RC3H2: variants seen among roughly 807,000 people sequenced by gnomAD.
RC3H2 encodes the protein ring finger and CCCH-type domains 2.
A neutral mutation model predicts 133.3 loss-of-function variants in RC3H2; 31 were observed. The ratio of observed to expected loss-of-function variants is 0.23; its 90% confidence interval spans 0.17 to 0.31. The LOEUF (loss-of-function observed/expected upper bound fraction) is 0.31, where lower values mean the gene tolerates loss of function less well. RC3H2 is among the 10% of genes least tolerant of loss of function. The pLI is 1.00. For missense variants in RC3H2, 1,175 were observed against 1,437.2 expected (o/e 0.82, Z 2.95); for synonymous variants, 517 against 502.2 (o/e 1.03, Z -0.40).
chr9:122,884,037 G>GT (rs201150094), intron 4 of RC3H2, among the ~76,000 whole-genome samples: 2,627 of 152,220 alleles, frequency 0.017, 87 homozygotes, highest in African/African-American at 0.06. Flanking sequence ...GCTCACGTCT[G>GT]TAATTCCAGC....
chr9:122,891,806 C>T (rs1194988941), intron 3 of RC3H2, among the ~76,000 whole-genome samples: 1 of 152,206 alleles, frequency 6.6e-6, no homozygotes, highest in East Asian at 1.9e-4. Flanking sequence ...TATATTCAAT[C>T]ATTCAACAAT....
intron 5 of RC3H2, among the ~76,000 whole-genome samples, chr9:122,881,827 T>C (rs1159319935): frequency 6.6e-6 from 1 of 152,192 alleles, no homozygotes; most frequent in East Asian, 1.9e-4. Flanking sequence ...ACAGAGCTGA[T>C]TGAGGATTTT....
chr9:122,893,251 T>C (rs1832263512), intron 2 of RC3H2, among the ~76,000 whole-genome samples: 1 of 152,134 alleles, frequency 6.6e-6, no homozygotes, highest in African/African-American at 2.4e-5. Flanking sequence ...CCCAGCACTT[T>C]GGGAGGCCAA....
intron 2 of RC3H2, among the ~76,000 whole-genome samples, chr9:122,895,093 A>T (rs1221628783): frequency 1.3e-5 from 2 of 152,196 alleles, no homozygotes; most frequent in African/African-American, 4.8e-5. Flanking sequence ...AACTGAGATA[A>T]CATTTACAAA....
At chr9:122,886,571 C>T (rs936270709) in intron 4 of RC3H2, among the ~76,000 whole-genome samples, 6 of 152,214 alleles carry the variant, frequency 3.9e-5, no homozygotes, top group South Asian at 2.1e-4. Flanking sequence ...TATGGCCACT[C>T]CCAGCATTTT....
chr9:122,849,956 T>C (rs1467310408), intron 20 of RC3H2, 134 bp from the exon 21 acceptor site: 1 of 500,322 alleles, frequency 2.0e-6, no homozygotes, highest in African/African-American at 2.0e-5. Flanking sequence ...TCACTAGAAG[T>C]ATCAGAAGTA....
At position 122,848,707 on chromosome 9, in the gene RC3H2, G is replaced by C. The variant is rs1420674392; in HGVS notation, c.*920C>G. The C allele has an allele frequency of 6.6e-6, 1 of 152,088 alleles. No individual in the cohort carries two copies. The highest frequency in any genetic ancestry group is 1.5e-5 in the Non-Finnish European group (1 of 67,982). 9.4% of individuals were successfully genotyped at this position (152,088 alleles called of 1,614,324 possible). A position where few individuals can be genotyped will look rare whatever the true frequency, so the allele number is the denominator to read the frequency against. ...TAGTCAGTGCAAACGCTACATACAG[G>C]GTTTTCTCAAGAAAGCTGAAAGCAC... On this transcript the variant is annotated 3_prime_UTR_variant, in exon 21 of 21. Coordinates refer to ENST00000357244, the MANE Select transcript of RC3H2 (RefSeq NM_001100588.3).
intron 1 of RC3H2, among the ~76,000 whole-genome samples, chr9:122,901,421 C>T (rs1006079493): frequency 3.9e-5 from 6 of 152,140 alleles, no homozygotes; most frequent in African/African-American, 1.4e-4. Flanking sequence ...AAGCTAGAAA[C>T]TCAGTACTGG....
intron 13 of RC3H2, among the ~76,000 whole-genome samples, chr9:122,856,742 T>C (rs1019784970): frequency 1.3e-5 from 2 of 152,214 alleles, no homozygotes; most frequent in Non-Finnish European, 2.9e-5. Flanking sequence ...ATAAGAATCA[T>C]TAAATCTAGT....
At chr9:122,866,484 C>A (rs112227631) in intron 9 of RC3H2, among the ~76,000 whole-genome samples, 1 of 151,274 alleles carries the variant, frequency 6.6e-6, no homozygotes, top group South Asian at 2.1e-4. Flanking sequence ...GCTGCCATCT[C>A]GGCTCACTGC....
intron 1 of RC3H2, among the ~76,000 whole-genome samples, chr9:122,903,163 CACTT>C (rs1191978927): frequency 8.5e-5 from 13 of 152,306 alleles, no homozygotes; most frequent in South Asian, 2.1e-4. Flanking sequence ...GTAAAACTCA[CACTT>C]ACACTTAAAG....
chr9:122,883,745 G>A (rs1204693971), intron 4 of RC3H2, among the ~76,000 whole-genome samples: 1 of 152,138 alleles, frequency 6.6e-6, no homozygotes, highest in Non-Finnish European at 1.5e-5. Context: ...ACGTTGAGAG[G>A]CCGAGGCAGG....
chr9:122,869,562 T>A (rs958039542), intron 9 of RC3H2, among the ~76,000 whole-genome samples: 7 of 670 alleles, frequency 0.01, no homozygotes, highest in African/African-American at 0.015. Flanking sequence ...TTTACACGAT[T>A]TTTTTTTTTT....
chr9:122,890,692 T>C (rs1161662050), intron 3 of RC3H2, 147 bp from the exon 4 acceptor site: 8 of 644,342 alleles, frequency 1.2e-5, no homozygotes, highest in Non-Finnish European at 2.1e-5. Context: ...ATTCTGTCTC[T>C]GTTTGTTATT....
intron 5 of RC3H2, among the ~76,000 whole-genome samples, chr9:122,881,253 G>A (rs1439323458): frequency 1.3e-5 from 2 of 151,962 alleles, no homozygotes; most frequent in African/African-American, 2.4e-5. Context: ...TTGAGAGGCC[G>A]AGGTGGGCAG....
chr9:122,872,842 T>A (rs969837482), intron 9 of RC3H2, among the ~76,000 whole-genome samples: 1 of 152,198 alleles, frequency 6.6e-6, no homozygotes, highest in African/African-American at 2.4e-5. Context: ...AGCCTTGGCC[T>A]CCCAAAGTGC....
chr9:122,855,215 T>C lies in RC3H2; in HGVS notation c.2784A>G (p.Gln928=), dbSNP rs769066511. ...TTDPVQATAS[Q]GSATKPISVS... is the part of the protein sequence containing the mutation. ...CACTGATGGGCTTAGTCGCACTTCC[T>C]TGGGAAGCAGTGGCCTGGACAGGAT... Residue 928 remains glutamine, a synonymous_variant, in exon 15 of 21, where the codon CAA becomes CAG. Coordinates refer to ENST00000357244, the MANE Select transcript of RC3H2 (RefSeq NM_001100588.3). 9.3e-6 allele frequency: 15 copies of C among 1,614,120 alleles called. No homozygotes were observed. In the East Asian group the frequency reaches 2.9e-4, roughly 31 times the overall value.
chr9:122,905,155 CCGCGACGGCGCGGCTT>C lies in RC3H2; in HGVS notation c.-129_-114del. ...TCGCTAAGGGCCGCTCCCGGGAGCCCCGCGACGGCGCGGCTTGGCGACGGAGGCGCCTCGTCTCGCC... is the reference window on the plus strand; with the variant it reads ...TCGCTAAGGGCCGCTCCCGGGAGCCCGGCGACGGAGGCGCCTCGTCTCGCC... On this transcript the variant is annotated 5_prime_UTR_variant, in exon 1 of 21. An upstream open reading frame in the 5' UTR loses its in-frame stop. Coordinates refer to ENST00000357244, the MANE Select transcript of RC3H2 (RefSeq NM_001100588.3). 1 of 985,472 alleles carries C rather than the reference CCGCGACGGCGCGGCTT, an allele frequency of 1.0e-6. No homozygotes were observed. Among genetic ancestry groups the C allele is most frequent in the Non-Finnish European group, 1.2e-6 (1 of 829,964 alleles). 61.0% of individuals were successfully genotyped at this position (985,472 alleles called of 1,614,324 possible).
At chr9:122,860,561 A>G (rs1009871053) in intron 10 of RC3H2, among the ~76,000 whole-genome samples, 4 of 151,842 alleles carry the variant, frequency 2.6e-5, no homozygotes, top group Non-Finnish European at 5.9e-5. Context: ...CTACAAGTGC[A>G]TGCCACCACA....
Sources: gnomAD v4.1 joint callset for allele counts (sites outside exome capture counted in the v4.1 genomes callset) on GRCh38, gnomAD v4.1.1 for gene constraint, MANE v1.5 for transcripts, NCBI Gene and HGNC (gene_info 2026-07-23, HGNC 2026-07-21) for gene names.